Variants in CFAP43 observed in about 807,000 individuals in gnomAD.
CFAP43 encodes cilia and flagella associated protein 43, also known as cilia- and flagella-associated protein 43.
CFAP43 carries 155 observed loss-of-function variants against 218.9 expected under a neutral mutation model. The ratio of observed to expected loss-of-function variants is 0.71; its 90% CI spans 0.62 to 0.81. CFAP43 has a LOEUF of 0.81. Among genes scored for constraint, CFAP43 ranks in the 30% least tolerant of loss-of-function variants. The pLI is 0.00. For missense variants in CFAP43, 1,778 were observed against 1,954.3 expected (o/e 0.91, Z 1.70); for synonymous variants, 645 against 681.3 (o/e 0.95, Z 0.83).
chr10:104,132,052 C>A (rs1214123969), intron 36 of CFAP43, 64 bp downstream of exon 36: 1 of 1,261,892 alleles, frequency 7.9e-7, no homozygotes, highest in East Asian at 2.4e-5. Flanking sequence ...ATTTGAAACA[C>A]TATTACTTTG....
chr10:104,189,143 C>T, intron 12 of CFAP43, among the ~76,000 whole-genome samples: 1 of 152,142 alleles, frequency 6.6e-6, no homozygotes. Context: ...GATGTAGGAA[C>T]AAAATGTAAC....
chr10:104,172,548 A>G lies in CFAP43; in HGVS notation c.2461-13T>C, dbSNP rs368186659. The G allele has an allele frequency of 6.3e-7, 1 of 1,580,606 alleles. No homozygotes were observed. The highest frequency in any genetic ancestry group is 8.6e-7 in the Non-Finnish European group (1 of 1,168,096). ...TCATATTCAGAATCTGAATGTTGAA[A>G]TAAAAAAGAGTGCTGACAAGTAAAG... On this transcript the variant is annotated splice_polypyrimidine_tract_variant and intron_variant, in intron 19 of 37. Transcript: ENST00000357060.
intron 12 of CFAP43, among the ~76,000 whole-genome samples, chr10:104,189,731 A>G (rs190955638): frequency 6.6e-6 from 1 of 152,290 alleles, no homozygotes; most frequent in East Asian, 1.9e-4. Flanking sequence ...GGCAGGGAAC[A>G]GTGGCTCATG....
At chr10:104,171,383 T>C (rs1003951604) in intron 20 of CFAP43, among the ~76,000 whole-genome samples, 4 of 152,250 alleles carry the variant, frequency 2.6e-5, no homozygotes, top group Non-Finnish European at 5.9e-5. Flanking sequence ...CTCAGTCTCA[T>C]GTCATTCACT....
chr10:104,145,388 AT>A (rs1269770692), intron 31 of CFAP43, 87 bp downstream of exon 31: 1 of 761,608 alleles, frequency 1.3e-6, no homozygotes, highest in Non-Finnish European at 2.1e-6. Flanking sequence ...ATTCCATTTA[AT>A]TGGGAGAAAA....
intron 2 of CFAP43, among the ~76,000 whole-genome samples, chr10:104,227,835 C>CTTTTTTTTTTTTTT (rs776193577): frequency 5.1e-5 from 3 of 58,356 alleles, no homozygotes; most frequent in East Asian, 5.1e-4. Flanking sequence ...ATGTTTTCTA[C>CTTTTTTTTTTTTTT]TTTTTTTTTT....
chr10:104,217,228 C>A (rs892640907), intron 3 of CFAP43, among the ~76,000 whole-genome samples: 1 of 152,162 alleles, frequency 6.6e-6, no homozygotes, highest in African/African-American at 2.4e-5. Context: ...ACCTAGCCAC[C>A]CTTGAAGCTG....
chr10:104,136,734 T>C (rs1185256662), intron 34 of CFAP43, among the ~76,000 whole-genome samples: 1 of 152,164 alleles, frequency 6.6e-6, no homozygotes, highest in Non-Finnish European at 1.5e-5. Context: ...TGGCAAATTA[T>C]ATAAGGGTTT....
chr10:104,160,400 G>A (rs2134807346), intron 27 of CFAP43, among the ~76,000 whole-genome samples: 1 of 152,288 alleles, frequency 6.6e-6, no homozygotes, highest in African/African-American at 2.4e-5. Flanking sequence ...TAGCAAGCTG[G>A]AAAGCTGGCC....
chr10:104,231,716 T>C (rs982004802), intron 1 of CFAP43, among the ~76,000 whole-genome samples: 2 of 151,928 alleles, frequency 1.3e-5, no homozygotes, highest in African/African-American at 4.8e-5. Context: ...CTACTATAAA[T>C]GCAAATAAAT....
At chr10:104,142,178 G>A (rs637022) in intron 33 of CFAP43, 103 bp downstream of exon 33, 159,331 of 842,170 alleles carry the variant, frequency 0.19, 20,293 homozygotes, top group African/African-American at 0.57. Context: ...GAAGGGAGAT[G>A]GCTGTAAAGC....
At chr10:104,215,196 T>C (rs2090979938) in intron 3 of CFAP43, among the ~76,000 whole-genome samples, 1 of 152,018 alleles carries the variant, frequency 6.6e-6, no homozygotes, top group African/African-American at 2.4e-5. Flanking sequence ...TATTTTAAAA[T>C]GGATTTATTC....
At chr10:104,216,257 A>G (rs531056173) in intron 3 of CFAP43, among the ~76,000 whole-genome samples, 1 of 152,302 alleles carries the variant, frequency 6.6e-6, no homozygotes, top group South Asian at 2.1e-4. Context: ...GGCACTTCTC[A>G]GTCATTGCCT....
intron 19 of CFAP43, among the ~76,000 whole-genome samples, chr10:104,173,911 A>G (rs74154748): frequency 1.0e-3 from 156 of 152,386 alleles, no homozygotes; most frequent in African/African-American, 3.7e-3. Context: ...CAACAAATAG[A>G]AGACTTGTTG....
Position 104,173,230 on chromosome 10 carries a change from A to C in CFAP43, c.2461-695T>G, listed in dbSNP as rs1589700406. Among the ~76,000 whole-genome samples, 3 of 152,290 alleles carry C rather than the reference A, an allele frequency of 2.0e-5. No individual in the cohort carries two copies. The East Asian group carries it at 5.8e-4, about 29-fold the overall frequency. The stretch of plus-strand genomic sequence containing the variant: ...TAACAATTTTTCTTTTTTGCCCCAA[A>C]ATATAAAGTTAAGAGAAAAGAAGTA... On this transcript the variant is annotated intron_variant, in intron 19 of 37. Coordinates refer to ENST00000357060, the MANE Select transcript of CFAP43 (RefSeq NM_025145.7).
At position 104,182,503 on chromosome 10, in the gene CFAP43, C is replaced by T. The variant is rs1004984627; in HGVS notation, c.2152G>A (p.Gly718Arg). The change falls in exon 17 of 38, where the codon GGA becomes AGA. Residue 718 changes from glycine to arginine, a missense_variant. Gly to Arg is a moderately radical substitution (Grantham distance 125, BLOSUM62 -2). This residue lies in a region of CFAP43 where 1,553 missense variants were observed against 1,685.2 expected (regional missense o/e 0.92). Transcript: ENST00000357060. ...TCCAGAATTTCACTGGCTAGGTGTCCTCCAAATCGCCTATATTAATAAAAA... is the reference window on the plus strand; with the variant it reads ...TCCAGAATTTCACTGGCTAGGTGTCTTCCAAATCGCCTATATTAATAAAAA... ...LVYLKWKRFGGHLASEILDYY... is the reference protein window; with the variant it reads ...LVYLKWKRFGRHLASEILDYY... 6 of 1,586,180 alleles carry T rather than the reference C, an allele frequency of 3.8e-6. No homozygotes were observed. The highest frequency in any genetic ancestry group is 5.1e-6 in the Non-Finnish European group (6 of 1,171,402).
Position 104,196,924 on chromosome 10 carries a change from ATGTAAGTGTC to A in CFAP43, c.1213-1_1221del. On this transcript the variant is annotated splice_acceptor_variant and coding_sequence_variant, in exon 10 of 38. Coordinates refer to ENST00000357060, the MANE Select transcript of CFAP43 (RefSeq NM_025145.7). LOFTEE classifies it high-confidence loss of function. ...CACCAAACACAAATTTCCCCTGAATATGTAAGTGTCTGTAAAAAAAGAAAAACAAAAACTC... is the reference window on the plus strand; with the variant it reads ...CACCAAACACAAATTTCCCCTGAATATGTAAAAAAAGAAAAACAAAAACTC... The A allele has an allele frequency of 6.2e-7, 1 of 1,610,808 alleles. No homozygotes were observed.
At chr10:104,155,965 G>A (rs1297432132) in intron 27 of CFAP43, among the ~76,000 whole-genome samples, 1 of 152,118 alleles carries the variant, frequency 6.6e-6, no homozygotes, top group South Asian at 2.1e-4. Flanking sequence ...CCTGGGAAAG[G>A]TGACAGACAG....
At chr10:104,187,227 T>C in intron 14 of CFAP43, 93 bp downstream of exon 14, 1 of 1,019,918 alleles carries the variant, frequency 9.8e-7, no homozygotes, top group Non-Finnish European at 1.3e-6. Context: ...TGAACTATTC[T>C]GTTAAAGTGG....
Sources: allele counts gnomAD v4.1 joint callset (sites outside exome capture counted in the v4.1 genomes callset), GRCh38; gene constraint gnomAD v4.1.1; regional missense constraint gnomAD v4.1.1; transcripts MANE v1.5; gene names NCBI Gene and HGNC (gene_info 2026-07-23, HGNC 2026-07-21).